Variants in BFAR observed in about 807,000 individuals in gnomAD.
The protein encoded by BFAR is RING finger protein 47.
Under a neutral mutation model 54.4 loss-of-function variants are expected in BFAR, and 52 were observed. The observed-to-expected ratio is 0.96, with a 90% CI of 0.77 to 1.21. BFAR has a LOEUF of 1.21. Ranked by LOEUF, BFAR falls within the 50% of genes most tolerant of loss-of-function variation. The probability of loss-of-function intolerance (pLI) is 0.00; values close to 1 mark genes in which losing one functional copy is unlikely to be tolerated. For synonymous variants in BFAR, 215 were observed against 204.3 expected (o/e 1.05, Z -0.45); for missense variants, 571 against 534.0 (o/e 1.07, Z -0.68).
rs759560868 is a variant in BFAR at position 14,667,868 on chromosome 16, G to T, written c.*41G>T. The T allele has an allele frequency of 1.9e-6, 3 of 1,581,960 alleles. No individual in the cohort carries two copies. The highest frequency in any genetic ancestry group is 2.6e-6 in the Non-Finnish European group (3 of 1,153,544). On this transcript the variant is annotated 3_prime_UTR_variant, in exon 8 of 8. Transcript: ENST00000261658. ...CTGAGACTCTTCAAGTCCCGCTGAC[G>T]TCTGAGCTTTGATGCTTAAGAGGGG...
intron 2 of BFAR, among the ~76,000 whole-genome samples, chr16:14,645,727 A>T (rs1959772654): frequency 6.6e-6 from 1 of 152,220 alleles, no homozygotes; most frequent in South Asian, 2.1e-4. Flanking sequence ...CTTTGTGTAT[A>T]ACTGAACATT....
At chr16:14,640,913 A>C (rs1234032669) in intron 1 of BFAR, among the ~76,000 whole-genome samples, 1 of 152,218 alleles carries the variant, frequency 6.6e-6, no homozygotes, top group Non-Finnish European at 1.5e-5. Context: ...GCATCTCTCC[A>C]GATACCAGTT....
chr16:14,663,819 A>G (rs1430436918), intron 6 of BFAR, among the ~76,000 whole-genome samples: 3 of 152,138 alleles, frequency 2.0e-5, no homozygotes, highest in Non-Finnish European at 4.4e-5. Context: ...GGGTAGCTTG[A>G]TGGGAGAATA....
At chr16:14,659,427 C>T (rs1327231204) in intron 5 of BFAR, among the ~76,000 whole-genome samples, 9 of 148,404 alleles carry the variant, frequency 6.1e-5, no homozygotes, top group East Asian at 2.0e-4. Flanking sequence ...TATTTTTAGT[C>T]GAGACAGGGT....
At chr16:14,649,614 G>A (rs1186710516) in intron 3 of BFAR, among the ~76,000 whole-genome samples, 190 bp from the exon 4 acceptor site, 1 of 152,076 alleles carries the variant, frequency 6.6e-6, no homozygotes, top group South Asian at 2.1e-4. Context: ...AGAGGCACCC[G>A]AGGAGAGCTG....
In BFAR at chr16:14,660,993, G is replaced by A. The variant is rs77512032; in HGVS notation, c.784-899G>A. ...TCAAGCAATCCTCTTGCCTCCCAAA[G>A]TGTTAGGATTACAGGCGTGAGCCAC... On this transcript the variant is annotated intron_variant, in intron 5 of 7. Coordinates refer to ENST00000261658, the MANE Select transcript of BFAR (RefSeq NM_016561.3). Among the ~76,000 whole-genome samples, 161 of 152,224 alleles carry A rather than the reference G, an allele frequency of 1.1e-3. 1 individual carries two copies. The highest frequency in any genetic ancestry group is 5.6e-3 in the Admixed American group (85 of 15,286).
At chr16:14,650,294 C>T (rs766930841) in intron 4 of BFAR, 6 of 212,212 alleles carry the variant, frequency 2.8e-5, no homozygotes, top group Non-Finnish European at 5.6e-5. Flanking sequence ...CATGCCACTG[C>T]ACTCCAGCCT....
At position 14,657,439 on chromosome 16, in the gene BFAR, G is replaced by A. The variant is rs1454679296; in HGVS notation, c.783+2229G>A. 3.9e-5 allele frequency among the ~76,000 whole-genome samples: 6 copies of A among 151,922 alleles called. No individual in the cohort carries two copies. The East Asian group carries it at 5.9e-4, about 15-fold the overall frequency. On this transcript the variant is annotated intron_variant, in intron 5 of 7. Coordinates refer to ENST00000261658, the MANE Select transcript of BFAR (RefSeq NM_016561.3). ...AATTTTTTTATTTTTTGGTAGAGAC[G>A]AGCTTTCACCATGTTAACCAGGGTA...
At chr16:14,659,670 C>T (rs1960235325) in intron 5 of BFAR, among the ~76,000 whole-genome samples, 1 of 152,120 alleles carries the variant, frequency 6.6e-6, no homozygotes, top group African/African-American at 2.4e-5. Context: ...CCTGCCTCAG[C>T]CTCCCCAGTA....
intron 5 of BFAR, 37 bp from the exon 6 acceptor site, chr16:14,661,855 T>G (rs1204846561): frequency 6.2e-7 from 1 of 1,603,750 alleles, no homozygotes; most frequent in African/African-American, 1.3e-5. Context: ...CTGGCCGCCA[T>G]GGTTGTAATG....
chr16:14,649,238 G>A (rs1959896292), intron 3 of BFAR, among the ~76,000 whole-genome samples: 1 of 151,904 alleles, frequency 6.6e-6, no homozygotes, highest in South Asian at 2.1e-4. Context: ...ACTACAAGAG[G>A]CTAATTTTTG....
rs1960398639 is a variant in BFAR, at chr16:14,664,931, A to G, written c.1020A>G (p.Pro340=). 5.0e-6 allele frequency: 8 copies of G among 1,613,974 alleles called. No homozygotes were observed. Among genetic ancestry groups the G allele is most frequent in the Non-Finnish European group, 5.9e-6 (7 of 1,179,960 alleles). Residue 340 remains proline (P), a synonymous_variant, in exon 7 of 8, where the codon CCA becomes CCG. Transcript: ENST00000261658. ...REFLVKYSFL[P]YQLIAEFAWD... The stretch of plus-strand genomic sequence containing the variant: ...TCCTGGTCAAATACTCCTTCCTTCC[A>G]TACCAGCTGATTGCTGAGTTTGCTT...
intron 4 of BFAR, among the ~76,000 whole-genome samples, chr16:14,654,857 G>T (rs559370357): frequency 5.9e-5 from 9 of 152,150 alleles, no homozygotes; most frequent in Admixed American, 2.0e-4. Flanking sequence ...TTGTTATATG[G>T]ATCAGTGATG....
intron 1 of BFAR, among the ~76,000 whole-genome samples, chr16:14,638,480 A>G (rs895208544): frequency 1.3e-5 from 2 of 152,334 alleles, no homozygotes; most frequent in African/African-American, 4.8e-5. Flanking sequence ...GCCATATACA[A>G]TGGTCATAAT....
chr16:14,643,178 T>A (rs1038727612), intron 1 of BFAR, among the ~76,000 whole-genome samples: 2 of 152,018 alleles, frequency 1.3e-5, no homozygotes, highest in African/African-American at 2.4e-5. Flanking sequence ...CTGGGCCCAA[T>A]GGCACGCACC....
At chr16:14,652,321 C>T (rs961301171) in intron 4 of BFAR, among the ~76,000 whole-genome samples, 3 of 150,960 alleles carry the variant, frequency 2.0e-5, no homozygotes, top group Admixed American at 6.6e-5. Flanking sequence ...ACTCTGTCTC[C>T]CAGGCTGGAG....
chr16:14,652,809 C>T (rs1960011097), intron 4 of BFAR, among the ~76,000 whole-genome samples: 1 of 151,834 alleles, frequency 6.6e-6, no homozygotes, highest in South Asian at 2.1e-4. Flanking sequence ...ACATCTATAT[C>T]CACCCCCTAA....
chr16:14,666,241 A>T (rs1262654461), intron 7 of BFAR, among the ~76,000 whole-genome samples: 1 of 152,186 alleles, frequency 6.6e-6, no homozygotes, highest in Non-Finnish European at 1.5e-5. Flanking sequence ...TACCCAGACC[A>T]CATGGAAAAG....
chr16:14,648,329 C>A, intron 2 of BFAR, 59 bp from the exon 3 acceptor site: 1 of 1,412,522 alleles, frequency 7.1e-7, no homozygotes, highest in South Asian at 1.2e-5. Context: ...CTTTTTTGGC[C>A]TCTAAACATG....
Sources: gnomAD v4.1 joint callset for allele counts (sites outside exome capture counted in the v4.1 genomes callset) on GRCh38, gnomAD v4.1.1 for gene constraint, MANE v1.5 for transcripts, NCBI Gene and HGNC (gene_info 2026-07-23, HGNC 2026-07-21) for gene names.